The following ELK3 variants were observed in gnomAD, a reference collection of about 807,000 sequenced individuals.
ELK3 encodes ETS transcription factor ELK3.
Under a neutral mutation model 28.9 loss-of-function variants are expected in ELK3, and 10 were observed. The observed-to-expected ratio is 0.35, with a 90% CI of 0.21 to 0.59. The LOEUF (loss-of-function observed/expected upper bound fraction) is 0.59, where lower values mean the gene tolerates loss of function less well. ELK3 is among the 20% of genes least tolerant of loss of function. The probability of loss-of-function intolerance (pLI) is 0.82; values close to 1 mark genes in which losing one functional copy is unlikely to be tolerated. For missense variants in ELK3, 463 were observed against 517.3 expected (o/e 0.90, Z 1.02); for synonymous variants, 272 against 243.5 (o/e 1.12, Z -1.09).
chr12:96,203,516 G>C (rs954737573), intron 1 of ELK3, among the ~76,000 whole-genome samples: 17 of 152,188 alleles, frequency 1.1e-4, no homozygotes, highest in African/African-American at 4.1e-4. Flanking sequence ...GCGGGGGTTG[G>C]GGGGAGCTTG....
chr12:96,197,063 GACTT>G (rs1372594578), intron 1 of ELK3, among the ~76,000 whole-genome samples: 1 of 152,096 alleles, frequency 6.6e-6, no homozygotes, highest in Non-Finnish European at 1.5e-5. Flanking sequence ...TAAGAAAAAA[GACTT>G]ACGAGATCTC....
At chr12:96,199,254 G>A (rs1208221865) in intron 1 of ELK3, among the ~76,000 whole-genome samples, 4 of 152,116 alleles carry the variant, frequency 2.6e-5, no homozygotes, top group African/African-American at 2.4e-5. Context: ...GGGAGAGGAA[G>A]GTGTGTTTTG....
intron 1 of ELK3, among the ~76,000 whole-genome samples, chr12:96,198,517 G>C (rs1951487039): frequency 6.6e-6 from 1 of 152,126 alleles, no homozygotes; most frequent in South Asian, 2.1e-4. Context: ...AGATTTTCTT[G>C]TATGTTTCAG....
chr12:96,199,630 T>C (rs949872264), intron 1 of ELK3, among the ~76,000 whole-genome samples: 1 of 152,162 alleles, frequency 6.6e-6, no homozygotes, highest in Non-Finnish European at 1.5e-5. Flanking sequence ...AAAATAAAAA[T>C]TGCCTTTCAT....
At chr12:96,218,365 C>A (rs79430989) in intron 1 of ELK3, among the ~76,000 whole-genome samples, 1 of 152,000 alleles carries the variant, frequency 6.6e-6, no homozygotes, top group South Asian at 2.1e-4. Context: ...GCACAGAGTT[C>A]GATTCTGCAA....
intron 1 of ELK3, among the ~76,000 whole-genome samples, chr12:96,204,658 T>C (rs1951528892): frequency 6.6e-6 from 1 of 152,332 alleles, no homozygotes; most frequent in East Asian, 1.9e-4. Context: ...AGGAATTCTC[T>C]GTGGGAATCA....
rs1385381573 is a variant in ELK3, at chr12:96,213,968, C to T, written c.-2-9597C>T. On this transcript the variant is annotated intron_variant, in intron 1 of 4. Coordinates refer to ENST00000228741, the MANE Select transcript of ELK3 (RefSeq NM_005230.4). ...TGAACTCCTAGGCACAAACTGTCCT[C>T]CCTCCTCGGTCTCCCAAAGTGCTGG... 4.6e-5 allele frequency: 7 copies of T among 152,122 alleles called. 1 individual carries two copies. Among genetic ancestry groups the T allele is most frequent in the African/African-American group, 1.7e-4 (7 of 41,450 alleles). The allele number at this position is 152,122 out of a possible 1,614,324, so 9.4% of individuals were successfully genotyped here.
Position 96,243,170 on chromosome 12 carries a change from TA to T in ELK3, c.208-3766del. ...TCTTTAAAAACCAGCTTCATTAAGA[TA>T]AAATTCACATACCATACAATTCACC... On this transcript the variant is annotated intron_variant, in intron 2 of 4. Coordinates refer to ENST00000228741, the MANE Select transcript of ELK3 (RefSeq NM_005230.4). Among the ~76,000 whole-genome samples the T allele has an allele frequency of 3.3e-5, 5 of 152,354 alleles. No individual in the cohort carries two copies. In the South Asian group the frequency reaches 1.0e-3, roughly 32 times the overall value.
intron 2 of ELK3, among the ~76,000 whole-genome samples, chr12:96,237,170 G>T (rs1459551232): frequency 1.3e-5 from 2 of 152,214 alleles, no homozygotes; most frequent in African/African-American, 4.8e-5. Flanking sequence ...GTCCTTGGTG[G>T]ACATGAATTT....
chr12:96,226,982 G>A (rs971819493), intron 2 of ELK3, among the ~76,000 whole-genome samples: 5 of 152,220 alleles, frequency 3.3e-5, no homozygotes, highest in Middle Eastern at 3.2e-3. Flanking sequence ...CGTTTTGCCA[G>A]TGTCACTCTG....
chr12:96,203,676 C>A (rs1951520917), intron 1 of ELK3, among the ~76,000 whole-genome samples: 1 of 152,250 alleles, frequency 6.6e-6, no homozygotes, highest in East Asian at 1.9e-4. Flanking sequence ...CGCGGTGGCT[C>A]ACATCTGTAA....
At chr12:96,244,621 T>C (rs1816961675) in intron 2 of ELK3, among the ~76,000 whole-genome samples, 1 of 152,044 alleles carries the variant, frequency 6.6e-6, no homozygotes, top group Non-Finnish European at 1.5e-5. Context: ...TTTAGATGAG[T>C]GTTCAAACTC....
At chr12:96,254,211 G>C (rs1231472956) in intron 3 of ELK3, among the ~76,000 whole-genome samples, 1 of 152,204 alleles carries the variant, frequency 6.6e-6, no homozygotes, top group Non-Finnish European at 1.5e-5. Flanking sequence ...TGTAATCTCA[G>C]CTACTCGGGA....
chr12:96,206,835 T>C (rs1951541227), intron 1 of ELK3, among the ~76,000 whole-genome samples: 1 of 152,206 alleles, frequency 6.6e-6, no homozygotes. Context: ...ACAGCCAGTC[T>C]CTTCCATCAG....
intron 4 of ELK3, among the ~76,000 whole-genome samples, chr12:96,261,628 G>A (rs1951993233): frequency 6.6e-6 from 1 of 152,166 alleles, no homozygotes; most frequent in Middle Eastern, 3.2e-3. Context: ...GTAGGTATTT[G>A]TGAATAATAA....
At position 96,247,101 on chromosome 12, in the gene ELK3, A is replaced by G; in HGVS notation, c.369A>G (p.Lys123=). The G allele has an allele frequency of 6.2e-7, 1 of 1,613,626 alleles. No individual in the cohort carries two copies. The highest frequency in any genetic ancestry group is 8.5e-7 in the Non-Finnish European group (1 of 1,179,866). The part of the protein sequence containing the change: ...KASPEGREAH[K]HGLAALRSTS... ...CTCCGGAGGGCCGCGAGGCCCACAA[A>G]CACGGCCTGGCCGCCCTCAGAAGCA... The change falls in exon 3 of 5, where the codon AAA becomes AAG. Residue 123 remains lysine (K), a synonymous_variant. Transcript: ENST00000228741. The surrounding 1 kb of genome is among the most constrained non-coding windows in gnomAD (Gnocchi z 5.5).
chr12:96,228,442 A>AAAAAG (rs761298726), intron 2 of ELK3, among the ~76,000 whole-genome samples: 8 of 142,642 alleles, frequency 5.6e-5, no homozygotes, highest in Non-Finnish European at 1.1e-4. Context: ...AAAAAAAAAA[A>AAAAAG]AAGAAGATCA....
chr12:96,246,934 T>G lies in ELK3; in HGVS notation c.208-6T>G, dbSNP rs751325355. ...AGATTTTCAACGTCTACTTTTGTAT[T>G]TGCAGAACATCATCAAGAAGGTGAT... is the stretch of plus-strand genomic sequence containing the variant. On this transcript the variant is annotated splice_polypyrimidine_tract_variant and splice_region_variant and intron_variant, in intron 2 of 4. Coordinates refer to ENST00000228741, the MANE Select transcript of ELK3 (RefSeq NM_005230.4). The G allele has an allele frequency of 6.3e-7, 1 of 1,582,690 alleles. No individual in the cohort carries two copies. Among genetic ancestry groups the G allele is most frequent in the Non-Finnish European group, 8.6e-7 (1 of 1,161,962 alleles).
At chr12:96,212,429 G>A (rs572595733) in intron 1 of ELK3, among the ~76,000 whole-genome samples, 6 of 152,296 alleles carry the variant, frequency 3.9e-5, no homozygotes, top group Admixed American at 6.5e-5. Flanking sequence ...GGGGCCTAGG[G>A]ACTGCCTCAG....
Sources: gnomAD v4.1 joint callset for allele counts (sites outside exome capture counted in the v4.1 genomes callset) on GRCh38, gnomAD v4.1.1 for gene constraint, Gnocchi (gnomAD v3.1) non-coding constraint, MANE v1.5 for transcripts, NCBI Gene and HGNC (gene_info 2026-07-23, HGNC 2026-07-21) for gene names.